Variants in ATRNL1 observed in about 807,000 individuals in gnomAD.
ATRNL1 encodes the protein attractin like 1.
ATRNL1 carries 95 observed loss-of-function variants against 182.7 expected under a neutral mutation model. The observed-to-expected ratio is 0.52, with a 90% CI of 0.44 to 0.62. The LOEUF is 0.62. Among genes scored for constraint, ATRNL1 ranks in the 20% least tolerant of loss-of-function variants. The probability of loss-of-function intolerance (pLI) is 0.00; values close to 1 mark genes in which losing one functional copy is unlikely to be tolerated. For missense variants in ATRNL1, 1,471 were observed against 1,679.5 expected (o/e 0.88, Z 2.17); for synonymous variants, 576 against 568.3 (o/e 1.01, Z -0.19).
intron 27 of ATRNL1, among the ~76,000 whole-genome samples, chr10:115,816,230 C>G (rs982106210): frequency 3.3e-5 from 5 of 152,120 alleles, no homozygotes; most frequent in African/African-American, 1.2e-4. Context: ...TGCAGTTTGT[C>G]ACAGTCTGCC....
At chr10:115,512,833 G>A (rs1459804480) in intron 24 of ATRNL1, among the ~76,000 whole-genome samples, 5 of 151,698 alleles carry the variant, frequency 3.3e-5, no homozygotes, top group Admixed American at 2.6e-4. Context: ...CAATATTTAC[G>A]GTGAGACCTA....
intron 26 of ATRNL1, among the ~76,000 whole-genome samples, chr10:115,555,611 C>T (rs1853268114): frequency 6.6e-6 from 1 of 151,822 alleles, no homozygotes; most frequent in Non-Finnish European, 1.5e-5. Context: ...TAGACAAATA[C>T]AGCAATGAAC....
At chr10:115,516,777 A>G (rs1411332329) in intron 24 of ATRNL1, among the ~76,000 whole-genome samples, 1 of 151,934 alleles carries the variant, frequency 6.6e-6, no homozygotes, top group Non-Finnish European at 1.5e-5. Context: ...AACCTCTACC[A>G]ACAGATATTT....
intron 25 of ATRNL1, among the ~76,000 whole-genome samples, chr10:115,533,688 G>T (rs1414546713): frequency 1.3e-5 from 2 of 150,438 alleles, no homozygotes; most frequent in Non-Finnish European, 3.0e-5. Flanking sequence ...TCTTTTAATT[G>T]TGATGTTAGG....
In ATRNL1 at chr10:115,856,428, C is replaced by CAAAAAAAAAAAAAAAAAAAAAAAAAAA. The variant is rs572743389; in HGVS notation, c.4018+8459_4018+8460insAAAAAAAAAAAAAAAAAAAAAAAAAAA. On this transcript the variant is annotated intron_variant, in intron 28 of 28. Transcript: ENST00000355044. ...GGGCAACAAGAGCGAAGCTCCATCT[C>CAAAAAAAAAAAAAAAAAAAAAAAAAAA]AAAAAAAAAAAAAAAAAAAAAAGCC... 3.0e-3 allele frequency among the ~76,000 whole-genome samples: 68 copies of CAAAAAAAAAAAAAAAAAAAAAAAAAAA among 22,536 alleles called. 28 individuals carry two copies. Among genetic ancestry groups the CAAAAAAAAAAAAAAAAAAAAAAAAAAA allele is most frequent in the Non-Finnish European group, 4.6e-3 (56 of 12,134 alleles). 14.8% of individuals were successfully genotyped at this position (22,536 alleles called of 152,430 possible). A position where few individuals can be genotyped will look rare whatever the true frequency, so the allele number is the denominator to read the frequency against.
chr10:115,184,375 AACAC>A (rs1439726194), intron 8 of ATRNL1, among the ~76,000 whole-genome samples: 1 of 150,904 alleles, frequency 6.6e-6, no homozygotes, highest in Admixed American at 6.6e-5. Context: ...CACACACATA[AACAC>A]ACACACAACT....
intron 10 of ATRNL1, among the ~76,000 whole-genome samples, chr10:115,262,161 TA>T (rs1554908991): frequency 6.7e-6 from 1 of 149,332 alleles, no homozygotes; most frequent in East Asian, 1.9e-4. Context: ...TTTGGGAAGA[TA>T]GGGGGCAGTG....
chr10:115,306,401 C>G (rs534276601), intron 17 of ATRNL1, among the ~76,000 whole-genome samples: 1 of 152,268 alleles, frequency 6.6e-6, no homozygotes, highest in South Asian at 2.1e-4. Flanking sequence ...CTTTGTGGAA[C>G]ATCTTTTTTA....
At chr10:115,273,297 G>T (rs1202881276) in intron 13 of ATRNL1, among the ~76,000 whole-genome samples, 3 of 152,172 alleles carry the variant, frequency 2.0e-5, no homozygotes, top group Non-Finnish European at 2.9e-5. Context: ...CACAGAAGTG[G>T]TCATCTTATC....
chr10:115,403,950 C>T (rs1191542849), intron 20 of ATRNL1, among the ~76,000 whole-genome samples: 3 of 152,128 alleles, frequency 2.0e-5, no homozygotes, highest in African/African-American at 7.2e-5. Context: ...GTACCAAAAG[C>T]ATACATCTGA....
At chr10:115,846,504 T>C (rs782484844) in intron 27 of ATRNL1, among the ~76,000 whole-genome samples, 102 of 152,242 alleles carry the variant, frequency 6.7e-4, no homozygotes, top group Middle Eastern at 3.4e-3. Context: ...GAACAAATCA[T>C]TTGTTCTAAT....
chr10:115,713,618 TACACAC>T (rs61297314), intron 26 of ATRNL1, among the ~76,000 whole-genome samples: 1 of 151,682 alleles, frequency 6.6e-6, no homozygotes, highest in Non-Finnish European at 1.5e-5. Context: ...TTTATATATA[TACACAC>T]ACACACACAC....
intron 27 of ATRNL1, among the ~76,000 whole-genome samples, chr10:115,751,846 C>CT (rs1289365428): frequency 6.6e-6 from 1 of 151,850 alleles, no homozygotes; most frequent in Non-Finnish European, 1.5e-5. Flanking sequence ...TATATATTTG[C>CT]TTTTTTAACA....
In ATRNL1 at chr10:115,715,657, A is replaced by G. The variant is rs530924781; in HGVS notation, c.3796-11591A>G. On this transcript the variant is annotated intron_variant, in intron 26 of 28. Transcript: ENST00000355044. Reference sequence around the variant, plus strand: ...TTTAAAGGTTCAAAGAGAATTCTGCACTCAATAAAAAAACAGGTTAAAAAT... The same window carrying G: ...TTTAAAGGTTCAAAGAGAATTCTGCGCTCAATAAAAAAACAGGTTAAAAAT... 6.6e-5 allele frequency among the ~76,000 whole-genome samples: 10 copies of G among 152,330 alleles called. No individual in the cohort carries two copies. In the South Asian group the frequency reaches 1.2e-3, roughly 19 times the overall value.
intron 26 of ATRNL1, among the ~76,000 whole-genome samples, chr10:115,644,881 T>C (rs10749177): frequency 0.97 from 147,509 of 152,172 alleles, 71,694 homozygotes; most frequent in East Asian, 1. Flanking sequence ...TTGGGGAAAC[T>C]TCTTTGATTC....
At position 115,688,080 on chromosome 10, in the gene ATRNL1, G is replaced by T. The variant is rs190994634; in HGVS notation, c.3796-39168G>T. On this transcript the variant is annotated intron_variant, in intron 26 of 28. Transcript: ENST00000355044. ...GAACATGCAGTATTTGTCTTTCTGT[G>T]CCTGGCTTGTTTCACTTAACATAAT... Among the ~76,000 whole-genome samples the T allele has an allele frequency of 2.1e-3, 316 of 152,038 alleles. 1 individual carries two copies. The highest frequency in any genetic ancestry group is 7.1e-3 in the African/African-American group (295 of 41,474).
chr10:115,638,646 T>C (rs550843080), intron 26 of ATRNL1, among the ~76,000 whole-genome samples: 53 of 152,262 alleles, frequency 3.5e-4, no homozygotes, highest in African/African-American at 1.3e-3. Flanking sequence ...CACAACTGTA[T>C]AGAAAAACTA....
intron 21 of ATRNL1, among the ~76,000 whole-genome samples, chr10:115,439,228 G>C (rs191102487): frequency 1.3e-3 from 202 of 151,912 alleles, no homozygotes; most frequent in African/African-American, 4.7e-3. Flanking sequence ...TGGTCTTCCT[G>C]TCTCAGAGGT....
intron 20 of ATRNL1, among the ~76,000 whole-genome samples, chr10:115,396,959 A>T (rs1331044475): frequency 6.6e-6 from 1 of 151,914 alleles, no homozygotes; most frequent in Non-Finnish European, 1.5e-5. Flanking sequence ...ATGGCTTTTT[A>T]TGAAGAGGAT....
Sources: gnomAD v4.1 joint callset for allele counts (sites outside exome capture counted in the v4.1 genomes callset) on GRCh38, gnomAD v4.1.1 for gene constraint, MANE v1.5 for transcripts, NCBI Gene and HGNC (gene_info 2026-07-23, HGNC 2026-07-21) for gene names.